MCUR1: variants seen among roughly 807,000 people sequenced by gnomAD.
The protein encoded by MCUR1 is mitochondrial calcium uniporter regulator 1.
A neutral mutation model predicts 42.0 loss-of-function variants in MCUR1; 37 were observed. That is an observed-to-expected ratio of 0.88 (90% CI 0.68 to 1.16). The LOEUF (loss-of-function observed/expected upper bound fraction) is 1.16. MCUR1 is among the 50% of genes most tolerant of loss of function. The pLI is 0.00. For synonymous variants in MCUR1, 229 were observed against 196.2 expected, an observed-to-expected ratio of 1.17 and a Z score of -1.40; for missense variants, 469 against 468.4, an observed-to-expected ratio of 1.00 and a Z score of -0.01.
chr6:13,790,933 TAAGAAAACCTAAAA>T, intron 8 of MCUR1, 69 bp from the exon 9 acceptor site: 3 of 1,224,538 alleles, frequency 2.4e-6, no homozygotes, highest in South Asian at 2.7e-5. Flanking sequence ...CATCTTTTTT[TAAGAAAACCTAAAA>T]AAGAAAACCT....
intron 2 of MCUR1, among the ~76,000 whole-genome samples, chr6:13,805,303 A>C (rs2113473119): frequency 6.6e-6 from 1 of 152,200 alleles, no homozygotes; most frequent in Middle Eastern, 3.4e-3. Flanking sequence ...TATCAGCATA[A>C]CTTTACATGC....
Position 13,789,448 on chromosome 6 carries a change from G to C in MCUR1, c.*1361C>G, listed in dbSNP as rs1469679098. Reference sequence around the variant, plus strand: ...GTGCTTTTCCAGAATAACCCCAGTTGTATCTAGAATTTGTTTTCAATATAA... The same window carrying C: ...GTGCTTTTCCAGAATAACCCCAGTTCTATCTAGAATTTGTTTTCAATATAA... On this transcript the variant is annotated 3_prime_UTR_variant, in exon 9 of 9. Transcript: ENST00000379170. The C allele has an allele frequency of 6.6e-6, 1 of 151,730 alleles. No homozygotes were observed. Among genetic ancestry groups the C allele is most frequent in the Non-Finnish European group, 1.5e-5 (1 of 68,016 alleles). The allele number at this position is 151,730 out of a possible 1,614,324, so 9.4% of individuals were successfully genotyped here. A position where few individuals can be genotyped will look rare whatever the true frequency, so the allele number is the denominator to read the frequency against.
rs569876764 is a variant in MCUR1 at position 13,789,387 on chromosome 6, G to A, written c.*1422C>T. 3 of 150,502 alleles carry A rather than the reference G, an allele frequency of 2.0e-5. No individual in the cohort carries two copies. The highest frequency in any genetic ancestry group is 6.6e-5 in the Admixed American group (1 of 15,154). 9.3% of individuals were successfully genotyped at this position (150,502 alleles called of 1,614,324 possible). On this transcript the variant is annotated 3_prime_UTR_variant, in exon 9 of 9. Transcript: ENST00000379170. ...ATGCACTCCAGCCCTGCGACAGTGC[G>A]AGACTCCGTCTCAAAAAAAAAAAAA...
intron 5 of MCUR1, 96 bp from the exon 6 acceptor site, chr6:13,799,000 C>G: frequency 1.4e-6 from 1 of 719,350 alleles, no homozygotes; most frequent in Non-Finnish European, 2.4e-6. Flanking sequence ...CCCACTGTCC[C>G]TATCCTAGGC....
chr6:13,806,914 C>T lies in MCUR1; in HGVS notation c.535+11G>A. 1 of 1,579,778 alleles carries T rather than the reference C, an allele frequency of 6.3e-7. No individual in the cohort carries two copies. The highest frequency in any genetic ancestry group is 8.6e-7 in the Non-Finnish European group (1 of 1,158,570). On this transcript the variant is annotated intron_variant, in intron 2 of 8. Coordinates refer to ENST00000379170, the MANE Select transcript of MCUR1 (RefSeq NM_001031713.4). ...TTCTAAGGCACTAAATGACGAATGA[C>T]AGAGGATTACCATTGTCTTCCAGTA...
In MCUR1 at chr6:13,788,673, C is replaced by G. The variant is rs1265158369; in HGVS notation, c.*2136G>C. The G allele has an allele frequency of 1.3e-5, 2 of 152,140 alleles. No individual in the cohort carries two copies. The highest frequency in any genetic ancestry group is 2.9e-5 in the Non-Finnish European group (2 of 68,034). The allele number at this position is 152,140 out of a possible 1,614,324, so 9.4% of individuals were successfully genotyped here. A position where few individuals can be genotyped will look rare whatever the true frequency, so the allele number is the denominator to read the frequency against. On this transcript the variant is annotated 3_prime_UTR_variant, in exon 9 of 9. Transcript: ENST00000379170. The stretch of plus-strand genomic sequence containing the variant: ...AGGCCTTTAATAATGAGGGCAATTG[C>G]TAAGTGTGCTGTCTCTTCTGGGGAC...
intron 1 of MCUR1, among the ~76,000 whole-genome samples, chr6:13,810,203 A>C (rs1246122516): frequency 6.9e-6 from 1 of 145,774 alleles, no homozygotes; most frequent in Non-Finnish European, 1.5e-5. Context: ...ACTTCATCTC[A>C]AAAAAAAAAA....
chr6:13,807,891 C>T (rs2113476964), intron 1 of MCUR1, among the ~76,000 whole-genome samples: 1 of 152,274 alleles, frequency 6.6e-6, no homozygotes, highest in South Asian at 2.1e-4. Context: ...TGATGCTGAG[C>T]ATTTTTTATG....
At chr6:13,812,927 TC>T (rs1322577958) in intron 1 of MCUR1, among the ~76,000 whole-genome samples, 1 of 152,168 alleles carries the variant, frequency 6.6e-6, no homozygotes, top group African/African-American at 2.4e-5. Flanking sequence ...CTCTCTCACC[TC>T]CTTTAAATAG....
chr6:13,793,850 A>C, intron 7 of MCUR1, 44 bp downstream of exon 7: 1 of 1,539,080 alleles, frequency 6.5e-7, no homozygotes. Context: ...AACGAAGCAA[A>C]GATGAGTACA....
intron 6 of MCUR1, among the ~76,000 whole-genome samples, chr6:13,797,830 C>A (rs776007988): frequency 3.9e-5 from 6 of 151,938 alleles, no homozygotes; most frequent in Non-Finnish European, 8.8e-5. Flanking sequence ...TTGAGACCAG[C>A]CTGGCCAACA....
chr6:13,803,878 A>G (rs1169670785), intron 2 of MCUR1: 2 of 984,812 alleles, frequency 2.0e-6, no homozygotes, highest in African/African-American at 3.5e-5. Flanking sequence ...CACGCCTGTA[A>G]TCCTAACACT....
At chr6:13,793,865 CAA>C in intron 7 of MCUR1, 27 bp downstream of exon 7, 1 of 1,600,428 alleles carries the variant, frequency 6.2e-7, no homozygotes, top group South Asian at 1.1e-5. Context: ...AGTACAAAGA[CAA>C]AGAAAAATCA....
At chr6:13,798,256 C>T (rs183156351) in intron 6 of MCUR1, among the ~76,000 whole-genome samples, 349 of 151,444 alleles carry the variant, frequency 2.3e-3, no homozygotes, top group African/African-American at 8.0e-3. Flanking sequence ...CCACCATGCC[C>T]GGCTTATTTT....
chr6:13,811,631 C>A (rs1364559096), intron 1 of MCUR1, among the ~76,000 whole-genome samples: 1 of 152,138 alleles, frequency 6.6e-6, no homozygotes, highest in Non-Finnish European at 1.5e-5. Flanking sequence ...CTAAGGACCA[C>A]CTCACCTGCC....
chr6:13,807,149 A>G, intron 1 of MCUR1, 105 bp from the exon 2 acceptor site: 7 of 1,260,522 alleles, frequency 5.6e-6, no homozygotes, highest in African/African-American at 1.5e-5. Context: ...GTGGTACTTT[A>G]TAACAGCTTC....
rs367795229 is a variant in MCUR1 at position 13,789,197 on chromosome 6, T to A, written c.*1612A>T. 3 of 152,244 alleles carry A rather than the reference T, an allele frequency of 2.0e-5. No individual in the cohort carries two copies. Among genetic ancestry groups the A allele is most frequent in the African/African-American group, 4.8e-5 (2 of 41,450 alleles). 9.4% of individuals were successfully genotyped at this position (152,244 alleles called of 1,614,324 possible). On this transcript the variant is annotated 3_prime_UTR_variant, in exon 9 of 9. Transcript: ENST00000379170. ...GCGGGTGAATCACGAGGTCAGGAGTTAGAGACCAGCCTGGCCAACATGGTG... is the reference window on the plus strand; with the variant it reads ...GCGGGTGAATCACGAGGTCAGGAGTAAGAGACCAGCCTGGCCAACATGGTG...
At chr6:13,812,166 C>A (rs1760250827) in intron 1 of MCUR1, among the ~76,000 whole-genome samples, 1 of 152,152 alleles carries the variant, frequency 6.6e-6, no homozygotes, top group African/African-American at 2.4e-5. Flanking sequence ...TAAAAACCCA[C>A]AATTACAATA....
chr6:13,808,027 G>A (rs1231501519), intron 1 of MCUR1, among the ~76,000 whole-genome samples: 2 of 152,148 alleles, frequency 1.3e-5, no homozygotes, highest in Non-Finnish European at 2.9e-5. Context: ...TTGAGAGGTG[G>A]GTCCTTTAAG....
Sources: gnomAD v4.1 joint callset for allele counts (sites outside exome capture counted in the v4.1 genomes callset) on GRCh38, gnomAD v4.1.1 for gene constraint, MANE v1.5 for transcripts, NCBI Gene and HGNC (gene_info 2026-07-23, HGNC 2026-07-21) for gene names.